PKLR: variants seen among roughly 807,000 people sequenced by gnomAD.
PKLR encodes the protein pyruvate kinase PKLR.
Under a neutral mutation model 53.6 loss-of-function variants are expected in PKLR, and 38 were observed. That is an observed-to-expected ratio of 0.71 (90% CI 0.55 to 0.93). The LOEUF (loss-of-function observed/expected upper bound fraction) is 0.93. Ranked by LOEUF, PKLR falls within the 40% of genes least tolerant of loss-of-function variation. The pLI is 0.00. For missense variants in PKLR, 702 were observed against 787.3 expected (o/e 0.89, Z 1.30); for synonymous variants, 328 against 316.2 (o/e 1.04, Z -0.39).
rs1204637023 is a variant in PKLR at position 155,295,600 on chromosome 1, G to C, written c.376-32C>G. ...GAGGGAGCGGAGCGAGGGTTTCAGG[G>C]GAAGGTGGCCAGGACCTCGAGGCAT... On this transcript the variant is annotated intron_variant, in intron 3 of 10. Coordinates refer to ENST00000342741, the MANE Select transcript of PKLR (RefSeq NM_000298.6). This position sits in a 1 kb window ranked among gnomAD's most constrained non-coding sequence, Gnocchi z 4.3. The C allele has an allele frequency of 6.2e-7, 1 of 1,614,094 alleles. No homozygotes were observed. The highest frequency in any genetic ancestry group is 1.1e-5 in the South Asian group (1 of 91,078).
chr1:155,303,850 T>G (rs1423112602), upstream of PKLR, among the ~76,000 whole-genome samples: 4 of 152,092 alleles, frequency 2.6e-5, no homozygotes, highest in African/African-American at 9.7e-5. Context: ...AAGTGATTAT[T>G]TTGAAGCTGA....
upstream of PKLR, among the ~76,000 whole-genome samples, chr1:155,302,237 C>CTTTTTT (rs35615990): frequency 2.5e-5 from 3 of 118,944 alleles, no homozygotes; most frequent in South Asian, 2.7e-4. Flanking sequence ...CTTTTCTTTT[C>CTTTTTT]TTTTTTTTTT....
At chr1:155,297,432 G>A (rs921809107) in intron 2 of PKLR, among the ~76,000 whole-genome samples, 4 of 151,188 alleles carry the variant, frequency 2.6e-5, no homozygotes, top group African/African-American at 9.7e-5. Context: ...TTTCTTTCTC[G>A]CCCACACTCC....
chr1:155,299,912 T>C (rs896589555), intron 2 of PKLR, among the ~76,000 whole-genome samples, 186 bp downstream of exon 2: 6 of 152,202 alleles, frequency 3.9e-5, no homozygotes, highest in African/African-American at 1.4e-4. Flanking sequence ...GTAGGGATTT[T>C]TGTCTGTTTT....
At chr1:155,302,924 C>T (rs1029869261), upstream of PKLR, among the ~76,000 whole-genome samples, 2 of 152,118 alleles carry the variant, frequency 1.3e-5, no homozygotes, top group African/African-American at 4.8e-5. Context: ...ACTGGTGTCA[C>T]TCTGTTGCCC....
At chr1:155,303,292 T>C (rs1374513958), upstream of PKLR, among the ~76,000 whole-genome samples, 2 of 152,230 alleles carry the variant, frequency 1.3e-5, no homozygotes, top group African/African-American at 2.4e-5. Context: ...ACACTAGCTG[T>C]GGGTTCAGCT....
intron 1 of PKLR, chr1:155,301,089 T>C: frequency 1.3e-6 from 2 of 1,484,564 alleles, no homozygotes; most frequent in Non-Finnish European, 1.8e-6. Flanking sequence ...GCTTACATGC[T>C]GTGGCTCTGG....
chr1:155,295,579 G>A lies in PKLR; in HGVS notation c.376-11C>T. 1 of 1,614,078 alleles carries A rather than the reference G, an allele frequency of 6.2e-7. No homozygotes were observed. The highest frequency in any genetic ancestry group is 8.5e-7 in the Non-Finnish European group (1 of 1,179,996). Reference sequence around the variant, plus strand: ...GGACTCAGCATGGTACTGGGGGAGGGAGCGGAGCGAGGGTTTCAGGGGAAG... The same window carrying A: ...GGACTCAGCATGGTACTGGGGGAGGAAGCGGAGCGAGGGTTTCAGGGGAAG... On this transcript the variant is annotated splice_polypyrimidine_tract_variant and intron_variant, in intron 3 of 10. Coordinates refer to ENST00000342741, the MANE Select transcript of PKLR (RefSeq NM_000298.6). This position sits in a 1 kb window ranked among gnomAD's most constrained non-coding sequence, Gnocchi z 4.3.
upstream of PKLR, among the ~76,000 whole-genome samples, chr1:155,302,235 T>C (rs1376924686): frequency 4.3e-5 from 6 of 138,860 alleles, no homozygotes; most frequent in East Asian, 1.6e-3. Context: ...TTCTTTTCTT[T>C]TCTTTTTTTT....
Position 155,290,586 on chromosome 1 carries a change from G to A in PKLR, c.1711C>T (p.Leu571=). ...GSGYTNIMRV[L]SIS ...GGAGGGGCGTCTCAGGATATGCTTA[G>A]CACCCGCATGATGTTGGTGTAGCCG... Residue 571 remains leucine, a synonymous_variant, in exon 11 of 11, where the codon CTA becomes TTA. Coordinates refer to ENST00000342741, the MANE Select transcript of PKLR (RefSeq NM_000298.6). The A allele has an allele frequency of 6.2e-7, 1 of 1,607,482 alleles. No individual in the cohort carries two copies. Among genetic ancestry groups the A allele is most frequent in the Non-Finnish European group, 8.5e-7 (1 of 1,174,208 alleles).
At chr1:155,303,927 G>A (rs994622260), upstream of PKLR, among the ~76,000 whole-genome samples, 5 of 152,082 alleles carry the variant, frequency 3.3e-5, no homozygotes, top group East Asian at 1.9e-4. Context: ...GCGGCGGGGC[G>A]GGGGCAGAAA....
chr1:155,290,569 G>T lies in PKLR; in HGVS notation c.*3C>A, dbSNP rs368150636. ...AGGCTGGGCCAGAGGAGGGAGGGGC[G>T]TCTCAGGATATGCTTAGCACCCGCA... On this transcript the variant is annotated 3_prime_UTR_variant, in exon 11 of 11. Coordinates refer to ENST00000342741, the MANE Select transcript of PKLR (RefSeq NM_000298.6). 7 of 1,582,786 alleles carry T rather than the reference G, an allele frequency of 4.4e-6. No individual in the cohort carries two copies. The African/African-American group carries it at 9.4e-5, about 21-fold the overall frequency.
At chr1:155,296,536 G>A (rs955477403) in intron 2 of PKLR, among the ~76,000 whole-genome samples, 4 of 151,802 alleles carry the variant, frequency 2.6e-5, no homozygotes, top group Admixed American at 2.0e-4. Context: ...GTAGAGAAGG[G>A]GTTTCACCAT....
At chr1:155,301,044 G>A (rs1455665066) in intron 1 of PKLR, 7 of 1,543,288 alleles carry the variant, frequency 4.5e-6, no homozygotes, top group Non-Finnish European at 5.3e-6. Context: ...TGTATGCCAG[G>A]GGCCAGAGTC....
chr1:155,294,334 G>A lies in PKLR; in HGVS notation c.1017C>T (p.Asp339=). 6.2e-7 allele frequency: 1 copy of A among 1,613,994 alleles called. No individual in the cohort carries two copies. Among genetic ancestry groups the A allele is most frequent in the Non-Finnish European group, 8.5e-7 (1 of 1,179,952 alleles). The change falls in exon 7 of 11, where the codon GAC becomes GAT. Residue 339 remains aspartate, a synonymous_variant. Coordinates refer to ENST00000342741, the MANE Select transcript of PKLR (RefSeq NM_000298.6). ...TCTCTGCTGGGATCTCGATGCCTAG[G>A]TCCCCCCGTGCCACCATGATGCCGT... ...VSDGIMVARG[D]LGIEIPAEKV...
In PKLR at chr1:155,289,781, T is replaced by C. The variant is rs1345949337; in HGVS notation, c.*791A>G. The C allele has an allele frequency of 6.6e-6, 1 of 152,360 alleles. No homozygotes were observed. Among genetic ancestry groups the C allele is most frequent in the Non-Finnish European group, 1.5e-5 (1 of 68,082 alleles). The allele number at this position is 152,360 out of a possible 1,614,324, so 9.4% of individuals were successfully genotyped here. On this transcript the variant is annotated 3_prime_UTR_variant, in exon 11 of 11. Transcript: ENST00000342741. ...TCTGGGTGGGGAGTTCTGGGGTTCT[T>C]GGTGTGTGGGAGAAGTTTTATAATT...
chr1:155,299,037 T>C lies in PKLR; in HGVS notation c.283+1061A>G, dbSNP rs1373888182. ...TTCTTTCTTTCTTTCTTTCTTTCTCTTTCTTTCTTTCTTTCCTTCCTTCCT... is the reference window on the plus strand; with the variant it reads ...TTCTTTCTTTCTTTCTTTCTTTCTCCTTCTTTCTTTCTTTCCTTCCTTCCT... On this transcript the variant is annotated intron_variant, in intron 2 of 10. Coordinates refer to ENST00000342741, the MANE Select transcript of PKLR (RefSeq NM_000298.6). Among the ~76,000 whole-genome samples, 173 of 78,472 alleles carry C rather than the reference T, an allele frequency of 2.2e-3. 6 individuals are homozygous for C. Among genetic ancestry groups the C allele is most frequent in the East Asian group, 0.017 (23 of 1,326 alleles). 51.5% of individuals were successfully genotyped at this position (78,472 alleles called of 152,430 possible).
chr1:155,301,440 G>C (rs1647986381), upstream of PKLR: 2 of 1,613,954 alleles, frequency 1.2e-6, no homozygotes, highest in South Asian at 1.1e-5. Context: ...GAATGAGAGG[G>C]AGAGGATGAC....
Position 155,295,658 on chromosome 1 carries a change from C to T in PKLR, c.375+7G>A, listed in dbSNP as rs1647544382. On this transcript the variant is annotated splice_region_variant and intron_variant, in intron 3 of 10. Coordinates refer to ENST00000342741, the MANE Select transcript of PKLR (RefSeq NM_000298.6). The surrounding 1 kb of genome is among the most constrained non-coding windows in gnomAD (Gnocchi z 4.3). Reference sequence around the variant, plus strand: ...CCCCACCCACTGCCCGGCGGCCCGTCCCGCACCTCGTGGGAGCCGTGGGAG... The same window carrying T: ...CCCCACCCACTGCCCGGCGGCCCGTTCCGCACCTCGTGGGAGCCGTGGGAG... 4 of 1,614,124 alleles carry T rather than the reference C, an allele frequency of 2.5e-6. No homozygotes were observed. The highest frequency in any genetic ancestry group is 3.4e-6 in the Non-Finnish European group (4 of 1,180,010).
Sources: gnomAD v4.1 joint callset for allele counts (sites outside exome capture counted in the v4.1 genomes callset) on GRCh38, gnomAD v4.1.1 for gene constraint, Gnocchi (gnomAD v3.1) non-coding constraint, MANE v1.5 for transcripts, NCBI Gene and HGNC (gene_info 2026-07-23, HGNC 2026-07-21) for gene names.